The following SLC35F3 variants were observed in gnomAD, a reference collection of about 807,000 sequenced individuals.
The protein encoded by SLC35F3 is putative thiamine transporter SLC35F3.
A neutral mutation model predicts 49.9 loss-of-function variants in SLC35F3; 25 were observed. The ratio of observed to expected loss-of-function variants is 0.50; its 90% CI spans 0.37 to 0.70. The LOEUF is 0.70. Among genes scored for constraint, SLC35F3 ranks in the 30% least tolerant of loss-of-function variants. SLC35F3 has a pLI of 0.00. For missense variants in SLC35F3, 525 were observed against 639.8 expected, an observed-to-expected ratio of 0.82 and a Z score of 1.94; for synonymous variants, 275 against 265.4, an observed-to-expected ratio of 1.04 and a Z score of -0.35.
chr1:234,040,332 T>C (rs1456586066), intron 2 of SLC35F3, among the ~76,000 whole-genome samples: 2 of 152,156 alleles, frequency 1.3e-5, no homozygotes, highest in African/African-American at 4.8e-5. Flanking sequence ...GGGAGCAGGA[T>C]GGGCAACATT....
intron 2 of SLC35F3, among the ~76,000 whole-genome samples, chr1:233,995,624 G>A (rs1937261): frequency 0.28 from 41,918 of 152,046 alleles, 6,024 homozygotes; most frequent in East Asian, 0.49. Context: ...GACTTCACGC[G>A]GAGGCTTTTC....
chr1:234,169,460 C>G (rs923580400), intron 2 of SLC35F3, among the ~76,000 whole-genome samples: 1 of 152,184 alleles, frequency 6.6e-6, no homozygotes, highest in Non-Finnish European at 1.5e-5. Context: ...CTCCCAGGCT[C>G]TAACATTCTG....
chr1:234,073,405 A>G (rs979301781), intron 2 of SLC35F3, among the ~76,000 whole-genome samples: 1 of 152,168 alleles, frequency 6.6e-6, no homozygotes, highest in African/African-American at 2.4e-5. Context: ...CTTGCCTTCC[A>G]AAGTGCTAGG....
chr1:234,048,278 T>C (rs1295573037), intron 2 of SLC35F3, among the ~76,000 whole-genome samples: 3 of 152,322 alleles, frequency 2.0e-5, no homozygotes, highest in Admixed American at 6.5e-5. Context: ...TCAGCATTTG[T>C]ATGTTATGAA....
chr1:234,154,398 A>G (rs905111824), intron 2 of SLC35F3, among the ~76,000 whole-genome samples: 1 of 152,228 alleles, frequency 6.6e-6, no homozygotes, highest in Non-Finnish European at 1.5e-5. Context: ...GTGTCCATCT[A>G]TCTATTGGCA....
chr1:233,967,750 C>T (rs943837601), intron 2 of SLC35F3, among the ~76,000 whole-genome samples: 17 of 152,074 alleles, frequency 1.1e-4, no homozygotes, highest in East Asian at 5.8e-4. Context: ...TTTTCCACTC[C>T]GGAGTATAGA....
intron 3 of SLC35F3, among the ~76,000 whole-genome samples, chr1:234,278,452 T>A (rs1572131673): frequency 6.9e-6 from 1 of 145,180 alleles, no homozygotes; most frequent in East Asian, 2.1e-4. Flanking sequence ...ACTGCACCAC[T>A]GCACTCCAGC....
intron 2 of SLC35F3, among the ~76,000 whole-genome samples, chr1:234,216,376 G>A (rs1170454231): frequency 1.3e-5 from 2 of 152,200 alleles, no homozygotes; most frequent in South Asian, 4.1e-4. Flanking sequence ...CGCGGATGGT[G>A]GGGCTACCTG....
intron 2 of SLC35F3, among the ~76,000 whole-genome samples, chr1:234,187,470 A>G (rs763641583): frequency 6.6e-6 from 1 of 152,194 alleles, no homozygotes; most frequent in Non-Finnish European, 1.5e-5. Flanking sequence ...CACATTGTGA[A>G]CTTCTGCTCC....
chr1:234,010,268 T>C (rs976858448), intron 2 of SLC35F3, among the ~76,000 whole-genome samples: 4 of 152,220 alleles, frequency 2.6e-5, no homozygotes, highest in Admixed American at 2.0e-4. Flanking sequence ...ATCAAAGTTA[T>C]GTTGTTATCA....
At chr1:234,237,706 T>C (rs1002407130) in intron 3 of SLC35F3, among the ~76,000 whole-genome samples, 1 of 152,190 alleles carries the variant, frequency 6.6e-6, no homozygotes, top group Non-Finnish European at 1.5e-5. Flanking sequence ...TAGTGCTTCA[T>C]TCGTTCCACA....
Position 233,905,833 on chromosome 1 carries a change from G to C in SLC35F3, c.283+75G>C, listed in dbSNP as rs1433381404. ...CATTGTCACAGCAGCCTCGGGGAGCGCACGCAGTGAGGCGTCCAGCCACCC... is the reference window on the plus strand; with the variant it reads ...CATTGTCACAGCAGCCTCGGGGAGCCCACGCAGTGAGGCGTCCAGCCACCC... On this transcript the variant is annotated intron_variant, in intron 2 of 7. Transcript: ENST00000366618. 9 of 1,391,994 alleles carry C rather than the reference G, an allele frequency of 6.5e-6. No individual in the cohort carries two copies. In the East Asian group the frequency reaches 1.9e-4, roughly 30 times the overall value. 86.2% of individuals were successfully genotyped at this position (1,391,994 alleles called of 1,614,324 possible).
chr1:234,115,571 T>C (rs1384174759), intron 2 of SLC35F3, among the ~76,000 whole-genome samples: 1 of 152,200 alleles, frequency 6.6e-6, no homozygotes, highest in Non-Finnish European at 1.5e-5. Context: ...CTATCCCCAC[T>C]TAACATGTTC....
intron 2 of SLC35F3, among the ~76,000 whole-genome samples, chr1:234,192,382 T>C (rs1490335674): frequency 6.6e-6 from 1 of 152,200 alleles, no homozygotes; most frequent in African/African-American, 2.4e-5. Context: ...AGAAAAAGCA[T>C]TTGACAAAGT....
intron 2 of SLC35F3, among the ~76,000 whole-genome samples, chr1:234,018,253 C>T (rs982222500): frequency 6.6e-6 from 1 of 152,138 alleles, no homozygotes; most frequent in Non-Finnish European, 1.5e-5. Flanking sequence ...CTGTATCTAA[C>T]ATAATAATTT....
At chr1:233,924,750 G>A (rs1662129004) in intron 2 of SLC35F3, among the ~76,000 whole-genome samples, 1 of 152,098 alleles carries the variant, frequency 6.6e-6, no homozygotes, top group Non-Finnish European at 1.5e-5. Context: ...GATCTTTCCT[G>A]CTTTCTCTTA....
chr1:233,982,767 A>G (rs1176941987), intron 2 of SLC35F3, among the ~76,000 whole-genome samples: 2 of 152,224 alleles, frequency 1.3e-5, no homozygotes, highest in East Asian at 3.8e-4. Context: ...GGCAATGAAC[A>G]AACATCATTG....
intron 2 of SLC35F3, among the ~76,000 whole-genome samples, chr1:233,934,622 C>A (rs139540465): frequency 1.3e-5 from 2 of 152,110 alleles, no homozygotes; most frequent in Non-Finnish European, 2.9e-5. Flanking sequence ...TATAAGTGTA[C>A]AGCTTGATGA....
At chr1:234,019,033 G>C (rs1663851287) in intron 2 of SLC35F3, among the ~76,000 whole-genome samples, 1 of 152,212 alleles carries the variant, frequency 6.6e-6, no homozygotes, top group African/African-American at 2.4e-5. Flanking sequence ...GTCCCAACCT[G>C]ACCAGGTGGA....
Sources: gnomAD v4.1 joint callset for allele counts (sites outside exome capture counted in the v4.1 genomes callset) on GRCh38, gnomAD v4.1.1 for gene constraint, MANE v1.5 for transcripts, NCBI Gene and HGNC (gene_info 2026-07-23, HGNC 2026-07-21) for gene names.